PRKCA: variants seen among roughly 807,000 people sequenced by gnomAD.
The protein encoded by PRKCA is protein kinase C alpha type.
PRKCA carries 27 observed loss-of-function variants against 87.0 expected under a neutral mutation model. The observed-to-expected ratio is 0.31, with a 90% CI of 0.23 to 0.43. The LOEUF is 0.43. Ranked by LOEUF, PRKCA falls within the 20% of genes least tolerant of loss-of-function variation. The pLI, the probability that PRKCA is intolerant of heterozygous loss-of-function variation, is 1.00. For synonymous variants in PRKCA, 329 were observed against 311.1 expected (o/e 1.06, Z -0.61); for missense variants, 518 against 852.3 (o/e 0.61, Z 4.88).
intron 1 of PRKCA, among the ~76,000 whole-genome samples, chr17:66,303,832 G>A (rs1904651331): frequency 6.6e-6 from 1 of 151,778 alleles, no homozygotes. Flanking sequence ...GTGAAACCCC[G>A]TCTACTAAAA....
At chr17:66,651,118 A>G (rs1291453436) in intron 5 of PRKCA, among the ~76,000 whole-genome samples, 1 of 152,178 alleles carries the variant, frequency 6.6e-6, no homozygotes, top group Admixed American at 6.5e-5. Flanking sequence ...CCGGGAGGAC[A>G]GGGAAGGAAG....
chr17:66,526,379 A>G (rs1052641822), intron 3 of PRKCA, among the ~76,000 whole-genome samples: 2 of 152,196 alleles, frequency 1.3e-5, no homozygotes, highest in Non-Finnish European at 2.9e-5. Context: ...CAGTCATGTT[A>G]TCACTTGCAG....
At chr17:66,666,899 A>G (rs992573024) in intron 5 of PRKCA, among the ~76,000 whole-genome samples, 2 of 152,156 alleles carry the variant, frequency 1.3e-5, no homozygotes, top group Non-Finnish European at 2.9e-5. Flanking sequence ...TTAACTATCT[A>G]GTACCCAGAC....
At chr17:66,320,018 T>C (rs1264756924) in intron 2 of PRKCA, among the ~76,000 whole-genome samples, 1 of 152,156 alleles carries the variant, frequency 6.6e-6, no homozygotes, top group Non-Finnish European at 1.5e-5. Flanking sequence ...GTGGTGGGAT[T>C]ACAGGTGTGA....
chr17:66,804,212 C>A lies in PRKCA; in HGVS notation c.*175C>A. ...TCAACTGTTCAGGGTCTCTCTCTTA[C>A]AACCAAGAACATTATCTTAGTGGAA... is the stretch of plus-strand genomic sequence containing the variant. On this transcript the variant is annotated 3_prime_UTR_variant, in exon 17 of 17. Transcript: ENST00000413366. 3 of 800,026 alleles carry A rather than the reference C, an allele frequency of 3.7e-6. No homozygotes were observed. Among genetic ancestry groups the A allele is most frequent in the South Asian group, 4.8e-5 (2 of 41,626 alleles). 49.6% of individuals were successfully genotyped at this position (800,026 alleles called of 1,614,324 possible).
intron 3 of PRKCA, among the ~76,000 whole-genome samples, chr17:66,523,163 A>G (rs994078555): frequency 6.6e-6 from 1 of 152,158 alleles, no homozygotes; most frequent in South Asian, 2.1e-4. Flanking sequence ...CTGGCTGCAG[A>G]AGAAGAAGCA....
chr17:66,465,311 G>A (rs59372545), intron 2 of PRKCA, among the ~76,000 whole-genome samples: 2,232 of 152,236 alleles, frequency 0.015, 49 homozygotes, highest in African/African-American at 0.05. Context: ...GAAACTGATA[G>A]CATCGGGTAA....
intron 5 of PRKCA, among the ~76,000 whole-genome samples, chr17:66,684,349 A>G (rs539809825): frequency 6.6e-6 from 1 of 152,334 alleles, no homozygotes; most frequent in African/African-American, 2.4e-5. Context: ...TAGCTTGTCC[A>G]CAACCACAGA....
At chr17:66,668,418 G>A (rs981311981) in intron 5 of PRKCA, among the ~76,000 whole-genome samples, 1 of 152,192 alleles carries the variant, frequency 6.6e-6, no homozygotes, top group African/African-American at 2.4e-5. Context: ...TTCAAGATGT[G>A]TAATTACCAA....
chr17:66,797,082 G>A, intron 16 of PRKCA: 1 of 798,196 alleles, frequency 1.3e-6, no homozygotes, highest in Non-Finnish European at 1.5e-6. Flanking sequence ...ACATGACTGA[G>A]ACGCCGAGGT....
chr17:66,393,636 G>A (rs1910492685), intron 2 of PRKCA, among the ~76,000 whole-genome samples: 1 of 119,966 alleles, frequency 8.3e-6, no homozygotes, highest in African/African-American at 2.9e-5. Flanking sequence ...TTCCATGTGT[G>A]TGCACGTGTG....
chr17:66,551,009 A>C (rs1968310332), intron 3 of PRKCA, among the ~76,000 whole-genome samples: 1 of 152,312 alleles, frequency 6.6e-6, no homozygotes, highest in South Asian at 2.1e-4. Flanking sequence ...ATAGTAAATT[A>C]CCCCAAAACA....
At chr17:66,467,890 TA>T (rs76621169) in intron 2 of PRKCA, among the ~76,000 whole-genome samples, 26 of 146,090 alleles carry the variant, frequency 1.8e-4, no homozygotes, top group East Asian at 5.9e-4. Context: ...AACAAAAAAT[TA>T]AAAAAAAAAA....
chr17:66,548,005 C>G (rs1249177621), intron 3 of PRKCA, among the ~76,000 whole-genome samples: 10 of 152,138 alleles, frequency 6.6e-5, no homozygotes, highest in Non-Finnish European at 5.9e-5. Flanking sequence ...GGCCTGTACA[C>G]AGATCCCAAG....
intron 3 of PRKCA, among the ~76,000 whole-genome samples, chr17:66,619,018 T>G (rs1195430765): frequency 6.6e-6 from 1 of 152,210 alleles, no homozygotes; most frequent in Non-Finnish European, 1.5e-5. Context: ...AGCTCAAATA[T>G]TATATACTCT....
At chr17:66,522,752 G>A (rs1355984) in intron 3 of PRKCA, among the ~76,000 whole-genome samples, 38,295 of 151,172 alleles carry the variant, frequency 0.25, 6,006 homozygotes, top group African/African-American at 0.43. Flanking sequence ...AAAATAGTGT[G>A]AGACTGTCTA....
intron 13 of PRKCA, among the ~76,000 whole-genome samples, chr17:66,765,945 C>T (rs1456122813): frequency 6.6e-6 from 1 of 152,180 alleles, no homozygotes; most frequent in African/African-American, 2.4e-5. Context: ...ATCTTCAGGA[C>T]CTCCCGTGTT....
At chr17:66,773,865 C>G in intron 13 of PRKCA, 122 bp from the exon 14 acceptor site, 1 of 1,483,516 alleles carries the variant, frequency 6.7e-7, no homozygotes, top group South Asian at 1.2e-5. Context: ...ACATCAAAGA[C>G]AGATCTTAGC....
At chr17:66,603,097 C>G (rs1256252037) in intron 3 of PRKCA, among the ~76,000 whole-genome samples, 1 of 152,174 alleles carries the variant, frequency 6.6e-6, no homozygotes, top group African/African-American at 2.4e-5. Flanking sequence ...GAAAGCCTTA[C>G]AGCACTACCA....
Sources: gnomAD v4.1 joint callset for allele counts (sites outside exome capture counted in the v4.1 genomes callset) on GRCh38, gnomAD v4.1.1 for gene constraint, MANE v1.5 for transcripts, NCBI Gene and HGNC (gene_info 2026-07-23, HGNC 2026-07-21) for gene names.